The following LY75 variants were observed in gnomAD, a reference collection of about 807,000 sequenced individuals.
The protein encoded by LY75 is C-type lectin domain family 13 member B.
A neutral mutation model predicts 231.7 loss-of-function variants in LY75; 185 were observed. That is an observed-to-expected ratio of 0.80 (90% confidence interval 0.71 to 0.90). LY75 has a LOEUF of 0.90. Ranked by LOEUF, LY75 falls within the 40% of genes least tolerant of loss-of-function variation. LY75 has a pLI of 0.00. For synonymous variants in LY75, 668 were observed against 689.0 expected (o/e 0.97, Z 0.48); for missense variants, 1,947 against 2,050.2 (o/e 0.95, Z 0.97).
intron 31 of LY75, 60 bp from the exon 32 acceptor site, chr2:159,810,735 A>T: frequency 1.3e-6 from 2 of 1,588,906 alleles, no homozygotes; most frequent in Non-Finnish European, 1.7e-6. Context: ...GCCTTTCAAA[A>T]TCTACTTCAA....
Position 159,835,651 on chromosome 2 carries a change from A to G in LY75, c.3508-6T>C. 1 of 1,611,442 alleles carries G rather than the reference A, an allele frequency of 6.2e-7. No individual in the cohort carries two copies. Among genetic ancestry groups the G allele is most frequent in the Admixed American group, 1.7e-5 (1 of 59,450 alleles). ...CAACCAAAGTTGAGTTCATCCTGTA[A>G]GGAGCAGAAGTACATTTCAGGTGGC... is the stretch of plus-strand genomic sequence containing the variant. On this transcript the variant is annotated splice_region_variant and splice_polypyrimidine_tract_variant and intron_variant, in intron 25 of 34. Coordinates refer to ENST00000263636, the MANE Select transcript of LY75 (RefSeq NM_002349.4).
chr2:159,903,413 AAAGG>A (rs1366375892), intron 1 of LY75: 1 of 152,192 alleles, frequency 6.6e-6, no homozygotes, highest in East Asian at 1.9e-4. Flanking sequence ...TCAAGGCAAT[AAAGG>A]ATCTTATTTT....
At position 159,874,875 on chromosome 2, in the gene LY75, TAC is replaced by T. The variant is rs1560094318; in HGVS notation, c.1974+567_1974+568del. 6.4e-4 allele frequency among the ~76,000 whole-genome samples: 83 copies of T among 129,418 alleles called. 2 individuals carry two copies. Among genetic ancestry groups the T allele is most frequent in the Admixed American group, 5.8e-3 (70 of 12,024 alleles). 84.9% of individuals were successfully genotyped at this position (129,418 alleles called of 152,430 possible). A position where few individuals can be genotyped will look rare whatever the true frequency, so the allele number is the denominator to read the frequency against. On this transcript the variant is annotated intron_variant, in intron 12 of 34. Transcript: ENST00000263636. ...TATATATATATTTTGTAAATATATA[TAC>T]ATATATATTTTGTAAATATATAAAC...
chr2:159,837,633 A>T (rs1683874945), intron 25 of LY75, among the ~76,000 whole-genome samples: 1 of 140,592 alleles, frequency 7.1e-6, no homozygotes, highest in Non-Finnish European at 1.5e-5. Flanking sequence ...GTACCCCCTG[A>T]ATCTTAAATA....
At chr2:159,827,334 T>C (rs1049311424) in intron 28 of LY75, among the ~76,000 whole-genome samples, 10 of 152,234 alleles carry the variant, frequency 6.6e-5, no homozygotes, top group African/African-American at 2.2e-4. Context: ...AAGACATTTA[T>C]ACAGCCAACA....
chr2:159,848,170 A>G (rs200836093), intron 23 of LY75, among the ~76,000 whole-genome samples: 25,888 of 144,490 alleles, frequency 0.18, 2,821 homozygotes, highest in East Asian at 0.33. Context: ...GTGTGTGTAT[A>G]TGTATATATA....
Position 159,858,480 on chromosome 2 carries a change from T to C in LY75, c.2269-4A>G. On this transcript the variant is annotated splice_region_variant and splice_polypyrimidine_tract_variant and intron_variant, in intron 15 of 34. Transcript: ENST00000263636. ...TTCGCCATGGCCTATGAAATACCTA[T>C]AAGAGGAAAAGTATTGCAGAATATT... is the stretch of plus-strand genomic sequence containing the variant. The C allele has an allele frequency of 6.2e-7, 1 of 1,607,764 alleles. No homozygotes were observed. The highest frequency in any genetic ancestry group is 8.5e-7 in the Non-Finnish European group (1 of 1,178,126).
Position 159,841,040 on chromosome 2 carries a change from A to G in LY75, c.3281-85T>C. Reference sequence around the variant, plus strand: ...GGACATTTTTTTCACATTTCTCCCCATACTAATCTAATTTAGATATTATTT... The same window carrying G: ...GGACATTTTTTTCACATTTCTCCCCGTACTAATCTAATTTAGATATTATTT... On this transcript the variant is annotated intron_variant, in intron 24 of 34. Coordinates refer to ENST00000263636, the MANE Select transcript of LY75 (RefSeq NM_002349.4). 1.9e-6 allele frequency: 3 copies of G among 1,541,640 alleles called. No homozygotes were observed. In the Admixed American group the frequency reaches 5.9e-5, roughly 30 times the overall value.
intron 15 of LY75, 78 bp downstream of exon 15, chr2:159,860,743 T>A (rs554204593): frequency 6.5e-7 from 1 of 1,550,086 alleles, no homozygotes; most frequent in Admixed American, 1.7e-5. Flanking sequence ...AAAAAGACAC[T>A]CCATGGATCT....
intron 23 of LY75, among the ~76,000 whole-genome samples, chr2:159,848,093 T>TATATACACACACACACAC: frequency 1.1e-4 from 3 of 28,556 alleles, no homozygotes; most frequent in African/African-American, 2.8e-4. Context: ...TATATATATA[T>TATATACACACACACACAC]ACACACACAC....
intron 11 of LY75, 27 bp downstream of exon 11, chr2:159,878,297 T>C (rs1446191488): frequency 1.2e-6 from 2 of 1,610,002 alleles, no homozygotes; most frequent in African/African-American, 2.7e-5. Flanking sequence ...CACAGTATAC[T>C]ACTACTTCAA....
At chr2:159,903,916 C>T (rs2136969) in intron 1 of LY75, among the ~76,000 whole-genome samples, 1 of 152,082 alleles carries the variant, frequency 6.6e-6, no homozygotes, top group Non-Finnish European at 1.5e-5. Context: ...CCCAAGCAGG[C>T]GACCTGCCCT....
chr2:159,887,566 C>CAAAAAA (rs369452762), intron 4 of LY75, among the ~76,000 whole-genome samples: 425 of 103,596 alleles, frequency 4.1e-3, no homozygotes, highest in Non-Finnish European at 4.8e-3. Flanking sequence ...TCAACAACAA[C>CAAAAAA]AAAAAAAAAA....
intron 2 of LY75, among the ~76,000 whole-genome samples, chr2:159,898,162 C>G (rs1346046764): frequency 1.3e-5 from 2 of 152,150 alleles, no homozygotes; most frequent in African/African-American, 4.8e-5. Context: ...AGTGCAGTGG[C>G]TATTCACAGG....
At chr2:159,837,729 C>T (rs1683876826) in intron 25 of LY75, among the ~76,000 whole-genome samples, 1 of 152,152 alleles carries the variant, frequency 6.6e-6, no homozygotes, top group Non-Finnish European at 1.5e-5. Flanking sequence ...TCTCAGATAC[C>T]ACAGGACTAT....
chr2:159,854,237 AG>A (rs1684482223), intron 18 of LY75, 122 bp downstream of exon 18: 2 of 653,202 alleles, frequency 3.1e-6, no homozygotes, highest in African/African-American at 3.8e-5. Context: ...GGATGCTGTG[AG>A]GCAGATTTTA....
intron 2 of LY75, among the ~76,000 whole-genome samples, chr2:159,896,521 C>T (rs1685913150): frequency 2.0e-5 from 3 of 152,096 alleles, no homozygotes; most frequent in Admixed American, 2.0e-4. Flanking sequence ...CCTTGGATTT[C>T]ACTTTGTTGG....
In LY75 at chr2:159,872,446, A is replaced by G; in HGVS notation, c.2117+5T>C. On this transcript the variant is annotated splice_donor_5th_base_variant and intron_variant, in intron 13 of 34. Coordinates refer to ENST00000263636, the MANE Select transcript of LY75 (RefSeq NM_002349.4). ...GCATAGAAATTCTCATTCTTAAAGTATTACCTGAACTGGTCCGTTAAAAAG... is the reference window on the plus strand; with the variant it reads ...GCATAGAAATTCTCATTCTTAAAGTGTTACCTGAACTGGTCCGTTAAAAAG... The G allele has an allele frequency of 6.2e-7, 1 of 1,612,610 alleles. No individual in the cohort carries two copies. Among genetic ancestry groups the G allele is most frequent in the Non-Finnish European group, 8.5e-7 (1 of 1,179,456 alleles).
At chr2:159,862,720 C>T (rs1287931487) in intron 14 of LY75, among the ~76,000 whole-genome samples, 1 of 152,040 alleles carries the variant, frequency 6.6e-6, no homozygotes, top group African/African-American at 2.4e-5. Context: ...TTATCATATA[C>T]AACATGATGT....
Sources: gnomAD v4.1 joint callset for allele counts (sites outside exome capture counted in the v4.1 genomes callset) on GRCh38, gnomAD v4.1.1 for gene constraint, MANE v1.5 for transcripts, NCBI Gene and HGNC (gene_info 2026-07-23, HGNC 2026-07-21) for gene names.